The following NCKAP5 variants were observed in gnomAD, a reference collection of about 807,000 sequenced individuals.
NCKAP5 encodes nck-associated protein 5.
In NCKAP5, 92 loss-of-function variants were observed where a neutral mutation model predicts 167.0. The ratio of observed to expected loss-of-function variants is 0.55; its 90% CI spans 0.47 to 0.66. The LOEUF is 0.66. Ranked by LOEUF, NCKAP5 falls within the 30% of genes least tolerant of loss-of-function variation. The pLI is 0.00. For missense variants in NCKAP5, 2,378 were observed against 2,315.0 expected (o/e 1.03, Z -0.56); for synonymous variants, 891 against 877.4 (o/e 1.02, Z -0.27).
intron 6 of NCKAP5, among the ~76,000 whole-genome samples, chr2:133,059,714 C>G (rs759928830): frequency 2.6e-5 from 4 of 151,120 alleles, no homozygotes; most frequent in Non-Finnish European, 5.9e-5. Context: ...AAAAAAGGTA[C>G]GTACATTTTT....
At chr2:133,184,580 C>T (rs970671754) in intron 5 of NCKAP5, among the ~76,000 whole-genome samples, 4 of 152,148 alleles carry the variant, frequency 2.6e-5, no homozygotes, top group African/African-American at 9.7e-5. Context: ...TGCATTCACA[C>T]TAACAGTGTA....
chr2:133,235,166 G>A (rs1202010966), intron 4 of NCKAP5, among the ~76,000 whole-genome samples: 1 of 151,864 alleles, frequency 6.6e-6, no homozygotes, highest in African/African-American at 2.4e-5. Context: ...TCCACAATTA[G>A]AAATTGGTCT....
In NCKAP5 at chr2:133,311,635, A is replaced by C. The variant is rs560022650; in HGVS notation, c.70-8525T>G. On this transcript the variant is annotated intron_variant, in intron 3 of 19. Transcript: ENST00000409261. ...GCTATCCAGGAGCCCACAGTCTTCT[A>C]AATAGAACAAAAGATGATCCTATCA... is the stretch of plus-strand genomic sequence containing the variant. Among the ~76,000 whole-genome samples, 3 of 152,304 alleles carry C rather than the reference A, an allele frequency of 2.0e-5. No individual in the cohort carries two copies. The East Asian group carries it at 5.8e-4, about 29-fold the overall frequency.
chr2:133,596,880 C>G, the NCKAP5 span, among the ~76,000 whole-genome samples: 1 of 152,228 alleles, frequency 6.6e-6, no homozygotes, highest in Non-Finnish European at 1.5e-5. Context: ...CCTGAATCAT[C>G]TCAGACCAGT....
chr2:133,135,877 G>C (rs536846044), intron 5 of NCKAP5, among the ~76,000 whole-genome samples: 2 of 152,042 alleles, frequency 1.3e-5, no homozygotes, highest in Non-Finnish European at 2.9e-5. Context: ...AACTAAAATT[G>C]TACAGCTTAT....
At chr2:132,963,698 T>C (rs1325115316) in intron 8 of NCKAP5, 22 bp downstream of exon 8, 4 of 1,609,944 alleles carry the variant, frequency 2.5e-6, no homozygotes, top group Middle Eastern at 3.3e-4. Flanking sequence ...TTGAAGAGTG[T>C]AAAAATTGCT....
chr2:133,649,171 T>C, the NCKAP5 span, among the ~76,000 whole-genome samples: 1 of 149,274 alleles, frequency 6.7e-6, no homozygotes, highest in Admixed American at 6.8e-5. Context: ...ACATATAACC[T>C]ATCAAGACGA....
rs557921629 is a variant in NCKAP5, at chr2:133,257,189, A to G, written c.144-43410T>C. On this transcript the variant is annotated intron_variant, in intron 4 of 19. Coordinates refer to ENST00000409261, the MANE Select transcript of NCKAP5 (RefSeq NM_207363.3). The stretch of plus-strand genomic sequence containing the variant: ...CCAGTGGTCAGAAACCTGTCAAGCA[A>G]GAGCATAAAGAAACACAGCTGAAGG... Among the ~76,000 whole-genome samples the G allele has an allele frequency of 2.0e-5, 3 of 152,364 alleles. No homozygotes were observed. In the East Asian group the frequency reaches 5.8e-4, roughly 29 times the overall value.
At chr2:132,949,003 T>TTAAAAGAAAAGAAAAGAAAA (rs1553487801) in intron 8 of NCKAP5, among the ~76,000 whole-genome samples, 2,551 of 130,310 alleles carry the variant, frequency 0.02, 137 homozygotes, top group Admixed American at 0.077. Context: ...TCCAGAGAAA[T>TTAAAAGAAAAGAAAAGAAAA]GAAAAGAAAA....
intron 3 of NCKAP5, 117 bp downstream of exon 3, chr2:133,517,340 GC>G (rs748992035): frequency 4.3e-6 from 2 of 465,734 alleles, no homozygotes; most frequent in Non-Finnish European, 7.5e-6. Context: ...AAGGGATGTT[GC>G]TAATGGTGTA....
At chr2:133,611,112 C>G in the NCKAP5 span, among the ~76,000 whole-genome samples, 1 of 108,358 alleles carries the variant, frequency 9.2e-6, no homozygotes, top group Admixed American at 9.2e-5. Context: ...GCTAGCCCCC[C>G]ATGTTAATGC....
chr2:133,490,083 G>A (rs1180357226), intron 3 of NCKAP5, among the ~76,000 whole-genome samples: 1 of 152,174 alleles, frequency 6.6e-6, no homozygotes, highest in East Asian at 1.9e-4. Context: ...CAAATGGTCA[G>A]GGAACAACCC....
At chr2:132,768,153 A>G (rs1574135287) in intron 16 of NCKAP5, among the ~76,000 whole-genome samples, 1 of 152,230 alleles carries the variant, frequency 6.6e-6, no homozygotes, top group East Asian at 1.9e-4. Flanking sequence ...GGTAAATAAC[A>G]TGTATCTTTC....
chr2:132,685,147 AAT>A (rs1281238658), intron 19 of NCKAP5, among the ~76,000 whole-genome samples: 7 of 152,220 alleles, frequency 4.6e-5, no homozygotes, highest in Non-Finnish European at 7.3e-5. Flanking sequence ...TGAAATAATG[AAT>A]CATTTTTCTC....
chr2:133,504,913 C>G (rs4954058), intron 3 of NCKAP5, among the ~76,000 whole-genome samples: 1 of 151,860 alleles, frequency 6.6e-6, no homozygotes, highest in South Asian at 2.1e-4. Context: ...CCCAGTTCCC[C>G]CCCAAAACTC....
intron 8 of NCKAP5, among the ~76,000 whole-genome samples, chr2:132,879,299 T>C (rs1222288336): frequency 6.6e-6 from 1 of 152,264 alleles, no homozygotes; most frequent in African/African-American, 2.4e-5. Context: ...CTTATATTTG[T>C]TTAGGCCACA....
At chr2:133,400,974 A>G (rs1021650476) in intron 3 of NCKAP5, among the ~76,000 whole-genome samples, 1 of 152,066 alleles carries the variant, frequency 6.6e-6, no homozygotes, top group Non-Finnish European at 1.5e-5. Flanking sequence ...TTCTAACTAT[A>G]CCTGAGTTAC....
chr2:133,604,537 G>C, the NCKAP5 span, among the ~76,000 whole-genome samples: 2 of 151,954 alleles, frequency 1.3e-5, no homozygotes, highest in Admixed American at 1.3e-4. Context: ...AGGACACGTG[G>C]GGGGAATTCT....
chr2:132,713,790 G>A (rs1032767765), intron 19 of NCKAP5, among the ~76,000 whole-genome samples: 1 of 152,136 alleles, frequency 6.6e-6, no homozygotes, highest in Non-Finnish European at 1.5e-5. Flanking sequence ...ATGCTTGTGG[G>A]GGGTTCATAA....
Sources: gnomAD v4.1 joint callset for allele counts (sites outside exome capture counted in the v4.1 genomes callset) on GRCh38, gnomAD v4.1.1 for gene constraint, MANE v1.5 for transcripts, NCBI Gene and HGNC (gene_info 2026-07-23, HGNC 2026-07-21) for gene names.